Variants in PIK3CB observed in about 807,000 individuals in gnomAD.
PIK3CB encodes phosphatidylinositol 4,5-bisphosphate 3-kinase catalytic subunit beta isoform.
PIK3CB carries 39 observed loss-of-function variants against 136.8 expected under a neutral mutation model. That is an observed-to-expected ratio of 0.29 (90% CI 0.22 to 0.37). The LOEUF is 0.37. Ranked by LOEUF, PIK3CB falls within the 10% of genes least tolerant of loss-of-function variation. The pLI is 1.00. For missense variants in PIK3CB, 868 were observed against 1,275.4 expected (o/e 0.68, Z 4.87); for synonymous variants, 428 against 436.6 (o/e 0.98, Z 0.25).
At chr3:138,740,873 G>C (rs972216288) in intron 5 of PIK3CB, among the ~76,000 whole-genome samples, 1 of 151,960 alleles carries the variant, frequency 6.6e-6, no homozygotes, top group Non-Finnish European at 1.5e-5. Context: ...TGAACTCCTG[G>C]GTTCAAGAGA....
intron 2 of PIK3CB, among the ~76,000 whole-genome samples, chr3:138,786,656 T>A (rs1284019513): frequency 6.6e-6 from 1 of 152,184 alleles, no homozygotes. Flanking sequence ...TGTATTTAAA[T>A]TTTAAATACT....
chr3:138,666,321 C>T (rs1373884812), intron 19 of PIK3CB, among the ~76,000 whole-genome samples: 4 of 152,106 alleles, frequency 2.6e-5, no homozygotes, highest in African/African-American at 9.7e-5. Context: ...CAGGTGAGTG[C>T]CACTACGCCT....
intron 1 of PIK3CB, among the ~76,000 whole-genome samples, chr3:138,805,419 C>T (rs2046222043): frequency 1.3e-5 from 2 of 151,816 alleles, no homozygotes; most frequent in Non-Finnish European, 2.9e-5. Context: ...GACTGTAATC[C>T]AAGCACTTTG....
At chr3:138,785,165 T>C (rs1426366812) in intron 2 of PIK3CB, among the ~76,000 whole-genome samples, 5 of 132,074 alleles carry the variant, frequency 3.8e-5, no homozygotes, top group Non-Finnish European at 6.5e-5. Context: ...CCCCGCCCGG[T>C]CAGCCGCCCC....
intron 1 of PIK3CB, among the ~76,000 whole-genome samples, chr3:138,819,648 G>A (rs1487291393): frequency 1.3e-5 from 2 of 152,096 alleles, no homozygotes; most frequent in South Asian, 2.1e-4. Context: ...TATATAATTC[G>A]TATGAGGTAC....
At chr3:138,757,330 G>A (rs770421108) in intron 3 of PIK3CB, among the ~76,000 whole-genome samples, 38 of 152,036 alleles carry the variant, frequency 2.5e-4, no homozygotes, top group Admixed American at 4.6e-4. Flanking sequence ...CTTGAACCCA[G>A]GAGGCGGAGG....
At position 138,665,119 on chromosome 3, in the gene PIK3CB, A is replaced by G; in HGVS notation, c.2589T>C (p.Ile863=). ...VVSTSETIAD[I]QLNSSNVAAA... ...CAGCCACATTGCTACTGTTCAGCTG[A>G]ATGTCAGCAATTGTTTCAGAGGTGC... Residue 863 remains isoleucine, a synonymous_variant, in exon 20 of 24, where the codon ATT becomes ATC. Coordinates refer to ENST00000674063, the MANE Select transcript of PIK3CB (RefSeq NM_006219.3). 1.2e-6 allele frequency: 2 copies of G among 1,613,716 alleles called. No homozygotes were observed. The highest frequency in any genetic ancestry group is 1.1e-5 in the South Asian group (1 of 90,982).
chr3:138,817,915 C>G (rs1006064319), intron 1 of PIK3CB, among the ~76,000 whole-genome samples: 1 of 152,072 alleles, frequency 6.6e-6, no homozygotes, highest in East Asian at 1.9e-4. Context: ...ATGACTGCAC[C>G]ACTGCACTCC....
intron 19 of PIK3CB, among the ~76,000 whole-genome samples, chr3:138,667,458 T>C (rs1387276731): frequency 6.6e-6 from 1 of 152,082 alleles, no homozygotes; most frequent in Non-Finnish European, 1.5e-5. Context: ...TATATGAGTG[T>C]GTTAGCATGT....
At chr3:138,759,669 AC>A (rs2045634724) in intron 2 of PIK3CB, among the ~76,000 whole-genome samples, 1 of 152,162 alleles carries the variant, frequency 6.6e-6, no homozygotes, top group Non-Finnish European at 1.5e-5. Context: ...ATATGTACAC[AC>A]ACACACACCA....
At chr3:138,706,200 T>C (rs1011430370) in intron 11 of PIK3CB, among the ~76,000 whole-genome samples, 1 of 152,232 alleles carries the variant, frequency 6.6e-6, no homozygotes, top group Non-Finnish European at 1.5e-5. Context: ...ATTGTGCCAC[T>C]GCACTCCAGC....
At chr3:138,656,068 T>G (rs2043186456) in intron 23 of PIK3CB, 74 bp downstream of exon 23, 1 of 1,480,570 alleles carries the variant, frequency 6.8e-7, no homozygotes, top group Non-Finnish European at 9.3e-7. Context: ...CTTCAGCCAC[T>G]TGAATAAAAC....
At chr3:138,670,388 A>C (rs906041132) in intron 19 of PIK3CB, among the ~76,000 whole-genome samples, 11 of 152,196 alleles carry the variant, frequency 7.2e-5, no homozygotes, top group Non-Finnish European at 1.5e-5. Context: ...TGAGTTACTA[A>C]ACTTCAGCTT....
intron 2 of PIK3CB, among the ~76,000 whole-genome samples, chr3:138,764,694 C>G (rs181561121): frequency 6.6e-6 from 1 of 152,310 alleles, no homozygotes; most frequent in East Asian, 1.9e-4. Context: ...TCCAGTCATG[C>G]TGAATCACAG....
At chr3:138,656,977 A>AC (rs1181188158) in intron 22 of PIK3CB, among the ~76,000 whole-genome samples, 7 of 152,134 alleles carry the variant, frequency 4.6e-5, no homozygotes, top group African/African-American at 1.7e-4. Context: ...CATGTTGGTC[A>AC]GGCTGGTCTC....
At chr3:138,674,224 G>T (rs1444844092) in intron 19 of PIK3CB, among the ~76,000 whole-genome samples, 1 of 151,958 alleles carries the variant, frequency 6.6e-6, no homozygotes, top group Non-Finnish European at 1.5e-5. Flanking sequence ...ACATGCAAAG[G>T]AAAGAGCTTA....
chr3:138,765,362 A>G (rs2045720121), intron 2 of PIK3CB, among the ~76,000 whole-genome samples: 1 of 152,178 alleles, frequency 6.6e-6, no homozygotes, highest in Non-Finnish European at 1.5e-5. Flanking sequence ...TGGATATTAA[A>G]AATTTGATTT....
intron 2 of PIK3CB, among the ~76,000 whole-genome samples, chr3:138,788,378 T>C (rs1454163808): frequency 6.6e-6 from 1 of 152,010 alleles, no homozygotes; most frequent in Non-Finnish European, 1.5e-5. Context: ...TACTACTGGC[T>C]GGGCACAGTG....
At chr3:138,786,039 A>G (rs962076412) in intron 2 of PIK3CB, among the ~76,000 whole-genome samples, 1 of 152,098 alleles carries the variant, frequency 6.6e-6, no homozygotes, top group Non-Finnish European at 1.5e-5. Flanking sequence ...GAAACAAAAG[A>G]ATATATATAG....
Sources: gnomAD v4.1 joint callset for allele counts (sites outside exome capture counted in the v4.1 genomes callset) on GRCh38, gnomAD v4.1.1 for gene constraint, MANE v1.5 for transcripts, NCBI Gene and HGNC (gene_info 2026-07-23, HGNC 2026-07-21) for gene names.